The following TTC17 variants were observed in gnomAD, a reference collection of about 807,000 sequenced individuals.
TTC17 encodes the protein tetratricopeptide repeat protein 17.
TTC17 carries 58 observed loss-of-function variants against 143.8 expected under a neutral mutation model. The ratio of observed to expected loss-of-function variants is 0.40; its 90% CI spans 0.33 to 0.50. TTC17 has a LOEUF of 0.50. TTC17 is among the 20% of genes least tolerant of loss of function. The probability of loss-of-function intolerance (pLI) is 0.49; values close to 1 mark genes in which losing one functional copy is unlikely to be tolerated. For missense variants in TTC17, 1,273 were observed against 1,392.5 expected (o/e 0.91, Z 1.37); for synonymous variants, 501 against 497.8 (o/e 1.01, Z -0.09).
At chr11:43,476,743 T>A (rs1398922767) in intron 21 of TTC17, among the ~76,000 whole-genome samples, 1 of 152,206 alleles carries the variant, frequency 6.6e-6, no homozygotes, top group Non-Finnish European at 1.5e-5. Flanking sequence ...AAACCACTTT[T>A]TCCTCCTGGG....
rs541454740 is a variant in TTC17 at position 43,375,283 on chromosome 11, C to T, written c.160-3950C>T. ...CCAAGGGAAAGAAATTCTCTGACAA[C>T]GGCTTCCCATATGGGGAAGGAAGCA... On this transcript the variant is annotated intron_variant, in intron 1 of 23. Transcript: ENST00000039989. 8.5e-5 allele frequency among the ~76,000 whole-genome samples: 13 copies of T among 152,200 alleles called. 1 individual carries two copies. The highest frequency in any genetic ancestry group is 3.1e-4 in the African/African-American group (13 of 41,532).
chr11:43,460,259 A>G (rs112400600), intron 21 of TTC17, among the ~76,000 whole-genome samples: 179 of 152,152 alleles, frequency 1.2e-3, no homozygotes, highest in African/African-American at 4.2e-3. Flanking sequence ...CTCTTTTAAT[A>G]CCTTTCTACA....
Position 43,407,195 on chromosome 11 carries a change from T to C in TTC17, c.1819T>C (p.Leu607=). ...TIPEEEIGSF[L]FHAINKPNAP... ...CCCAGAAGAAGAAATTGGGTCTTTC[T>C]TATTTCATGCTATTAATAAGGTGAG... The change falls in exon 14 of 24, where the codon TTA becomes CTA. Residue 607 remains leucine, a synonymous_variant. Coordinates refer to ENST00000039989, the MANE Select transcript of TTC17 (RefSeq NM_018259.6). The C allele has an allele frequency of 6.3e-7, 1 of 1,599,016 alleles. No homozygotes were observed. Among genetic ancestry groups the C allele is most frequent in the Non-Finnish European group, 8.5e-7 (1 of 1,175,194 alleles).
Position 43,397,572 on chromosome 11 carries a change from G to A in TTC17, c.918+81G>A, listed in dbSNP as rs1289854818. Reference sequence around the variant, plus strand: ...TTTTTTTCTCCCCCCTCAGTAGAATGTTACTTTTTTCCATTCCTTTTTTGG... The same window carrying A: ...TTTTTTTCTCCCCCCTCAGTAGAATATTACTTTTTTCCATTCCTTTTTTGG... On this transcript the variant is annotated intron_variant, in intron 7 of 23. Transcript: ENST00000039989. 7 of 1,335,114 alleles carry A rather than the reference G, an allele frequency of 5.2e-6. No individual in the cohort carries two copies. In the Admixed American group the frequency reaches 1.5e-4, roughly 29 times the overall value. 82.7% of individuals were successfully genotyped at this position (1,335,114 alleles called of 1,614,324 possible).
intron 21 of TTC17, among the ~76,000 whole-genome samples, chr11:43,458,012 A>C (rs1168453332): frequency 1.3e-5 from 2 of 152,198 alleles, no homozygotes; most frequent in Non-Finnish European, 2.9e-5. Context: ...GAAAATTAAA[A>C]GCTTAAGAGC....
At chr11:43,474,356 T>C (rs1167189267) in intron 21 of TTC17, among the ~76,000 whole-genome samples, 2 of 152,242 alleles carry the variant, frequency 1.3e-5, no homozygotes, top group African/African-American at 2.4e-5. Context: ...GAGAAAAAGA[T>C]ATTTTAAAAT....
chr11:43,486,209 A>G (rs907893421), intron 21 of TTC17, among the ~76,000 whole-genome samples: 1 of 152,124 alleles, frequency 6.6e-6, no homozygotes, highest in Non-Finnish European at 1.5e-5. Context: ...TCCACAGTCT[A>G]TTATGGTCCA....
chr11:43,449,974 T>C lies in TTC17; in HGVS notation c.2787-108T>C, dbSNP rs949913518. 15 of 1,247,662 alleles carry C rather than the reference T, an allele frequency of 1.2e-5. No homozygotes were observed. In the African/African-American group the frequency reaches 2.3e-4, roughly 19 times the overall value. 77.3% of individuals were successfully genotyped at this position (1,247,662 alleles called of 1,614,324 possible). The stretch of plus-strand genomic sequence containing the variant: ...AGGGGATAGCATGTTGAAGCTATGA[T>C]GAGCTGATTGTTAATGCTGTCTCTC... On this transcript the variant is annotated intron_variant, in intron 19 of 23. Coordinates refer to ENST00000039989, the MANE Select transcript of TTC17 (RefSeq NM_018259.6).
Position 43,444,169 on chromosome 11 carries a change from A to G in TTC17, c.2625A>G (p.Leu875=), listed in dbSNP as rs995113659. 2.5e-6 allele frequency: 4 copies of G among 1,612,954 alleles called. No individual in the cohort carries two copies. Among genetic ancestry groups the G allele is most frequent in the Non-Finnish European group, 3.4e-6 (4 of 1,179,550 alleles). The change falls in exon 18 of 24, where the codon CTA becomes CTG. Residue 875 remains leucine, a synonymous_variant. Transcript: ENST00000039989. The stretch of plus-strand genomic sequence containing the variant: ...ATGGACATCGTTACCAAGCAAACCT[A>G]GAGATCACTGGCCCCAAGGTGGCAT... ...IENGHRYQAN[L]EITGPKVASP...
chr11:43,368,450 G>A (rs1381173286), intron 1 of TTC17, among the ~76,000 whole-genome samples: 1 of 152,012 alleles, frequency 6.6e-6, no homozygotes, highest in African/African-American at 2.4e-5. Context: ...CAAAATTTTG[G>A]TATCTTCTTG....
At chr11:43,388,736 G>A (rs1253861836) in intron 2 of TTC17, among the ~76,000 whole-genome samples, 1 of 151,624 alleles carries the variant, frequency 6.6e-6, no homozygotes, top group Non-Finnish European at 1.5e-5. Flanking sequence ...TACTCTGTGA[G>A]GCCAAGGCAG....
At chr11:43,362,911 T>C (rs561079653) in intron 1 of TTC17, among the ~76,000 whole-genome samples, 2 of 152,328 alleles carry the variant, frequency 1.3e-5, no homozygotes, top group South Asian at 2.1e-4. Context: ...ACTAAGTTCC[T>C]TTTCCACTGG....
chr11:43,419,631 T>C (rs1011706540), intron 16 of TTC17, among the ~76,000 whole-genome samples: 2 of 152,234 alleles, frequency 1.3e-5, no homozygotes, highest in Non-Finnish European at 2.9e-5. Flanking sequence ...TTTATAAGAA[T>C]TAGTGAAGGT....
intron 10 of TTC17, among the ~76,000 whole-genome samples, chr11:43,401,796 G>A (rs906778741): frequency 1.3e-5 from 2 of 151,876 alleles, no homozygotes; most frequent in East Asian, 3.9e-4. Context: ...GGGTAACATG[G>A]TGAAACCCCA....
At chr11:43,461,286 A>C (rs982209253) in intron 21 of TTC17, among the ~76,000 whole-genome samples, 1 of 148,876 alleles carries the variant, frequency 6.7e-6, no homozygotes. Context: ...CGGGAGGCTG[A>C]GGCAGGAGAA....
At chr11:43,377,069 G>A (rs1320621405) in intron 1 of TTC17, among the ~76,000 whole-genome samples, 4 of 152,212 alleles carry the variant, frequency 2.6e-5, no homozygotes, top group Admixed American at 1.3e-4. Flanking sequence ...CGAGGCGGGC[G>A]AATCACGAGG....
intron 1 of TTC17, among the ~76,000 whole-genome samples, chr11:43,362,153 G>C (rs1590295875): frequency 9.3e-5 from 2 of 21,422 alleles, no homozygotes; most frequent in South Asian, 3.6e-3. Flanking sequence ...GCTAATTTGT[G>C]TGTGTGTGTG....
At chr11:43,390,533 G>A (rs558608786) in intron 3 of TTC17, among the ~76,000 whole-genome samples, 40 of 151,808 alleles carry the variant, frequency 2.6e-4, no homozygotes, top group African/African-American at 4.6e-4. Flanking sequence ...GGAGAATGGC[G>A]TGAACCCAGG....
chr11:43,487,110 G>C (rs1475153591), intron 21 of TTC17, among the ~76,000 whole-genome samples: 4 of 152,126 alleles, frequency 2.6e-5, no homozygotes, highest in African/African-American at 7.2e-5. Flanking sequence ...TTGTGTGTCA[G>C]ATATTAGCAT....
Sources: gnomAD v4.1 joint callset for allele counts (sites outside exome capture counted in the v4.1 genomes callset) on GRCh38, gnomAD v4.1.1 for gene constraint, MANE v1.5 for transcripts, NCBI Gene and HGNC (gene_info 2026-07-23, HGNC 2026-07-21) for gene names.